Variants in GCSAML observed in about 807,000 individuals in gnomAD.
The protein encoded by GCSAML is germinal center-associated signaling and motility-like protein.
A neutral mutation model predicts 13.0 loss-of-function variants in GCSAML; 9 were observed. The observed-to-expected ratio is 0.69, with a 90% CI of 0.42 to 1.21. GCSAML has a LOEUF of 1.21. GCSAML is among the 50% of genes most tolerant of loss of function. The probability of loss-of-function intolerance (pLI) is 0.00; values close to 1 mark genes in which losing one functional copy is unlikely to be tolerated. For synonymous variants in GCSAML, 37 were observed against 52.9 expected (o/e 0.70, Z 1.31); for missense variants, 143 against 153.4 (o/e 0.93, Z 0.36).
chr1:247,528,196 C>T (rs1040780605), intron 2 of GCSAML: 7 of 150,992 alleles, frequency 4.6e-5, no homozygotes, highest in African/African-American at 9.8e-5. Context: ...CCTTCCCCCA[C>T]CCCCAAGCCC....
At chr1:247,548,637 G>T (rs1667659968), upstream of GCSAML, among the ~76,000 whole-genome samples, 1 of 152,078 alleles carries the variant, frequency 6.6e-6, no homozygotes. The surrounding 1 kb of genome is among the most constrained non-coding windows in gnomAD (Gnocchi z 5.3). Flanking sequence ...CCCAAGAAGA[G>T]GCTTTCTCTT....
rs866470788 is a variant in GCSAML at position 247,522,354 on chromosome 1, G to A, written c.-262-4586G>A. Among the ~76,000 whole-genome samples the A allele has an allele frequency of 2.4e-4, 35 of 147,356 alleles. No individual in the cohort carries two copies. The East Asian group carries it at 4.4e-3, about 19-fold the overall frequency. The stretch of plus-strand genomic sequence containing the variant: ...TGGGAGGTGGGGGACGCCTCTGCCC[G>A]GCCGCCCCTTCTGGGAGGTGAGGAG... On this transcript the variant is annotated intron_variant, in intron 1 of 5. Coordinates refer to the GCSAML transcript ENST00000366489.
At chr1:247,556,496 G>T in intron 2 of GCSAML, 30 bp downstream of exon 2, 1 of 1,459,404 alleles carries the variant, frequency 6.9e-7, no homozygotes. Context: ...GAGTTTTTTT[G>T]TTTTGTTTTG....
intron 4 of GCSAML, among the ~76,000 whole-genome samples, chr1:247,570,197 T>C (rs540479292): frequency 6.6e-6 from 1 of 152,300 alleles, no homozygotes; most frequent in Non-Finnish European, 1.5e-5. Context: ...TTTTCATGTC[T>C]CTATCTCCTT....
chr1:247,556,076 G>A (rs974053374), intron 1 of GCSAML, among the ~76,000 whole-genome samples: 3 of 152,148 alleles, frequency 2.0e-5, no homozygotes, highest in African/African-American at 7.2e-5. Context: ...CAAAAGTGAT[G>A]CTTCCCTGTT....
chr1:247,524,682 A>C (rs1341869872), intron 1 of GCSAML: 1 of 152,218 alleles, frequency 6.6e-6, no homozygotes, highest in Non-Finnish European at 1.5e-5. Context: ...GAAGGCATAA[A>C]GGCATGATTG....
At chr1:247,544,396 A>G (rs561555962), upstream of GCSAML, among the ~76,000 whole-genome samples, 4 of 152,342 alleles carry the variant, frequency 2.6e-5, no homozygotes, top group African/African-American at 9.6e-5. Flanking sequence ...TCTGCCCGGC[A>G]GCTGCACGTA....
intron 4 of GCSAML, 78 bp from the exon 5 acceptor site, chr1:247,574,065 A>C (rs1188975301): frequency 6.6e-7 from 1 of 1,522,572 alleles, no homozygotes; most frequent in Non-Finnish European, 9.0e-7. Flanking sequence ...TGTATAAAGA[A>C]GAAGGGAAGG....
intron 1 of GCSAML, among the ~76,000 whole-genome samples, chr1:247,521,495 C>T (rs983102237): frequency 2.0e-5 from 3 of 152,178 alleles, no homozygotes; most frequent in Non-Finnish European, 4.4e-5. Flanking sequence ...ATTCTACTGC[C>T]TTAGCCTGCC....
At chr1:247,558,646 T>TTTTTTTTTTTTTTTTGAG (rs1668029687) in intron 2 of GCSAML, among the ~76,000 whole-genome samples, 1 of 152,216 alleles carries the variant, frequency 6.6e-6, no homozygotes, top group African/African-American at 2.4e-5. Context: ...CTTAGTTTTT[T>TTTTTTTTTTTTTTTTGAG]AAATTGTTGC....
Position 247,577,093 on chromosome 1 carries a change from A to G in GCSAML, c.*2711A>G, listed in dbSNP as rs1240344146. 1 of 152,206 alleles carries G rather than the reference A, an allele frequency of 6.6e-6. No individual in the cohort carries two copies. Among genetic ancestry groups the G allele is most frequent in the Admixed American group, 6.5e-5 (1 of 15,274 alleles). 9.4% of individuals were successfully genotyped at this position (152,206 alleles called of 1,614,324 possible). On this transcript the variant is annotated 3_prime_UTR_variant, in exon 5 of 5. Coordinates refer to ENST00000366488, the MANE Select transcript of GCSAML (RefSeq NM_145278.5). ...AGCAAAGCAGGATTTAAGAAATGTAACTATCTTATGTGGTTATGAAGAACA... is the reference window on the plus strand; with the variant it reads ...AGCAAAGCAGGATTTAAGAAATGTAGCTATCTTATGTGGTTATGAAGAACA...
rs532873833 is a variant in GCSAML at position 247,531,596 on chromosome 1, C to G, written c.-148+4542C>G. 78 of 1,614,132 alleles carry G rather than the reference C, an allele frequency of 4.8e-5. 1 individual carries two copies. The South Asian group carries it at 6.5e-4, about 13-fold the overall frequency. ...GCAGAGCCACAGCAGTTCTCTAATA[C>G]CATGTGCCGGAGGGCGCTCTTCACC... On this transcript the variant is annotated intron_variant, in intron 2 of 5. Coordinates refer to the GCSAML transcript ENST00000366489.
At chr1:247,549,049 C>G, upstream of GCSAML, 1 of 1,588,372 alleles carries the variant, frequency 6.3e-7, no homozygotes, top group Non-Finnish European at 8.5e-7. Flanking sequence ...GCGCAGGCCC[C>G]TGGCAGCTCG....
At chr1:247,565,861 A>AATCTGTG (rs1182020231) in intron 3 of GCSAML, 70 bp from the exon 4 acceptor site, 1 of 1,256,084 alleles carries the variant, frequency 8.0e-7, no homozygotes, top group African/African-American at 1.6e-5. Context: ...CTTTTCCTTC[A>AATCTGTG]ATCTGTGATG....
chr1:247,514,937 A>G (rs1365184001), intron 1 of GCSAML, among the ~76,000 whole-genome samples: 1 of 152,100 alleles, frequency 6.6e-6, no homozygotes. Context: ...TGCTTTGGCT[A>G]TGTGGGCTCT....
intron 2 of GCSAML, chr1:247,532,027 G>A (rs562326145): frequency 8.7e-6 from 14 of 1,613,976 alleles, no homozygotes; most frequent in East Asian, 4.5e-5. Flanking sequence ...CATGGTGAGC[G>A]TGGAGCCCAC....
chr1:247,518,944 ACAC>A (rs1666320063), intron 1 of GCSAML, among the ~76,000 whole-genome samples: 1 of 151,970 alleles, frequency 6.6e-6, no homozygotes, highest in South Asian at 2.1e-4. Flanking sequence ...AGCTCTAATC[ACAC>A]CACTGCACTC....
chr1:247,535,305 A>C (rs903587963), intron 2 of GCSAML, among the ~76,000 whole-genome samples: 1 of 152,158 alleles, frequency 6.6e-6, no homozygotes, highest in Non-Finnish European at 1.5e-5. Context: ...ACAGAGCAAG[A>C]CCCTGTCTCA....
At chr1:247,528,639 A>G (rs960175906) in intron 2 of GCSAML, 6 of 152,236 alleles carry the variant, frequency 3.9e-5, no homozygotes, top group African/African-American at 1.2e-4. Flanking sequence ...AGGAAGGGAA[A>G]CTTCCCAGTG....
Sources: allele counts gnomAD v4.1 joint callset (sites outside exome capture counted in the v4.1 genomes callset), GRCh38; gene constraint gnomAD v4.1.1; non-coding constraint Gnocchi (gnomAD v3.1); transcripts MANE v1.5; gene names NCBI Gene and HGNC (gene_info 2026-07-23, HGNC 2026-07-21).